Variants in SDF2 observed in about 807,000 individuals in gnomAD.
SDF2 encodes the protein stromal cell-derived factor 2.
In SDF2, 12 loss-of-function variants were observed where a neutral mutation model predicts 20.5. The observed-to-expected ratio is 0.58, with a 90% confidence interval of 0.37 to 0.95. SDF2 has a LOEUF of 0.95. Among genes scored for constraint, SDF2 ranks in the 40% least tolerant of loss-of-function variants. The pLI is 0.01. For missense variants in SDF2, 238 were observed against 263.1 expected (o/e 0.90, Z 0.66); for synonymous variants, 100 against 101.0 (o/e 0.99, Z 0.06).
At position 28,648,428 on chromosome 17, in the gene SDF2, G is replaced by A. The variant is rs972494213; in HGVS notation, c.*561C>T. 1.9e-5 allele frequency: 3 copies of A among 153,918 alleles called. No individual in the cohort carries two copies. The highest frequency in any genetic ancestry group is 7.2e-5 in the African/African-American group (3 of 41,442). 9.5% of individuals were successfully genotyped at this position (153,918 alleles called of 1,614,324 possible). ...GTCAAAGATCTATTAAAGATGAGAT[G>A]CCTGGAGAGAAGTCAAAGTAGAGGG... On this transcript the variant is annotated 3_prime_UTR_variant, in exon 3 of 3. Transcript: ENST00000247020.
At position 28,648,844 on chromosome 17, in the gene SDF2, A is replaced by G. The variant is rs1316848819; in HGVS notation, c.*145T>C. 2 of 810,376 alleles carry G rather than the reference A, an allele frequency of 2.5e-6. No individual in the cohort carries two copies. Among genetic ancestry groups the G allele is most frequent in the South Asian group, 1.7e-5 (1 of 58,254 alleles). 50.2% of individuals were successfully genotyped at this position (810,376 alleles called of 1,614,324 possible). On this transcript the variant is annotated 3_prime_UTR_variant, in exon 3 of 3. Transcript: ENST00000247020. ...AAATGTGCAGGGCTGAAGCTTCCAA[A>G]CACAGCCACTATTTTCTGTTGTATA... is the stretch of plus-strand genomic sequence containing the variant.
At chr17:28,649,367 G>C in intron 2 of SDF2, 91 bp from the exon 3 acceptor site, 1 of 1,270,898 alleles carries the variant, frequency 7.9e-7, no homozygotes, top group East Asian at 2.3e-5. Flanking sequence ...AGGCCACCTT[G>C]AAGTAAAAAA....
At chr17:28,652,310 ATTTTT>A (rs1314411261) in intron 2 of SDF2, among the ~76,000 whole-genome samples, 2 of 151,974 alleles carry the variant, frequency 1.3e-5, no homozygotes, top group African/African-American at 4.8e-5. Flanking sequence ...ACAATTCTTT[ATTTTT>A]TTAATTTTTT....
At chr17:28,661,630 C>A in intron 1 of SDF2, 96 bp downstream of exon 1, 1 of 1,393,786 alleles carries the variant, frequency 7.2e-7, no homozygotes. Flanking sequence ...GAACCCCTAA[C>A]TTTCCCAGAC....
intron 1 of SDF2, among the ~76,000 whole-genome samples, chr17:28,656,595 AT>A (rs1426088300): frequency 3.3e-5 from 5 of 152,100 alleles, no homozygotes; most frequent in Admixed American, 2.0e-4. Context: ...CTCAAAAAAA[AT>A]AAATAAATAA....
At position 28,655,552 on chromosome 17, in the gene SDF2, G is replaced by A. The variant is rs1020575087; in HGVS notation, c.152-69C>T. On this transcript the variant is annotated intron_variant, in intron 1 of 2. Transcript: ENST00000247020. ...ACAACATGCTCAGAGACAGAAGCTT[G>A]AGTGCGCTCAAGATTCACCTTCACC... is the stretch of plus-strand genomic sequence containing the variant. 6.5e-6 allele frequency: 9 copies of A among 1,390,426 alleles called. No homozygotes were observed. In the African/African-American group the frequency reaches 7.2e-5, roughly 11 times the overall value. The allele number at this position is 1,390,426 out of a possible 1,614,324, so 86.1% of individuals were successfully genotyped here.
chr17:28,661,123 C>T (rs903918915), intron 1 of SDF2: 8 of 420,282 alleles, frequency 1.9e-5, no homozygotes, highest in Non-Finnish European at 3.2e-5. Flanking sequence ...TCTGCAATTC[C>T]TGTCACTGCT....
chr17:28,659,898 G>A (rs1238560873), intron 1 of SDF2, among the ~76,000 whole-genome samples: 2 of 152,216 alleles, frequency 1.3e-5, no homozygotes, highest in African/African-American at 4.8e-5. Flanking sequence ...GCGGCTGGGA[G>A]GTGGAAGTTG....
chr17:28,650,440 A>T (rs1189115200), intron 2 of SDF2, among the ~76,000 whole-genome samples: 1 of 152,090 alleles, frequency 6.6e-6, no homozygotes, highest in Middle Eastern at 3.4e-3. Flanking sequence ...TAATTGCCTT[A>T]TATTTTCTAT....
chr17:28,660,321 T>C (rs1191642548), intron 1 of SDF2, among the ~76,000 whole-genome samples: 1 of 152,266 alleles, frequency 6.6e-6, no homozygotes, highest in African/African-American at 2.4e-5. Flanking sequence ...AAAGCATTTG[T>C]ATTTTTAACA....
intron 2 of SDF2, chr17:28,651,545 A>G (rs1292841131): frequency 1.3e-5 from 2 of 152,242 alleles, no homozygotes; most frequent in Non-Finnish European, 2.9e-5. Context: ...TTTCTCCTCT[A>G]TAAAATGATC....
chr17:28,652,264 A>G (rs2071921085), intron 2 of SDF2, among the ~76,000 whole-genome samples: 1 of 152,118 alleles, frequency 6.6e-6, no homozygotes, highest in African/African-American at 2.4e-5. Flanking sequence ...AAATTTATAG[A>G]TATGTAATAT....
intron 1 of SDF2, among the ~76,000 whole-genome samples, chr17:28,659,823 A>C (rs1259607341): frequency 6.6e-6 from 1 of 151,644 alleles, no homozygotes; most frequent in Non-Finnish European, 1.5e-5. Flanking sequence ...GACGCTCCTC[A>C]CTTCCTAGAC....
chr17:28,653,082 G>A (rs563770271), intron 2 of SDF2, among the ~76,000 whole-genome samples: 25 of 152,302 alleles, frequency 1.6e-4, no homozygotes, highest in African/African-American at 5.5e-4. Context: ...AATGTAGACA[G>A]AGTATAACTC....
At chr17:28,650,771 C>G (rs1190912397) in intron 2 of SDF2, among the ~76,000 whole-genome samples, 1 of 142,226 alleles carries the variant, frequency 7.0e-6, no homozygotes, top group Non-Finnish European at 1.5e-5. Flanking sequence ...CCACTGGACT[C>G]CAGCCTGGAT....
rs200427854 is a variant in SDF2, at chr17:28,652,319, A to AT, written c.348+2967dup. Among the ~76,000 whole-genome samples the AT allele has an allele frequency of 4.2e-3, 643 of 151,530 alleles. 7 individuals carry two copies. Among genetic ancestry groups the AT allele is most frequent in the Non-Finnish European group, 5.6e-3 (381 of 67,758 alleles). On this transcript the variant is annotated intron_variant, in intron 2 of 2. Transcript: ENST00000247020. ...CAGGTAACAATTCTTTATTTTTTTA[A>AT]TTTTTTTTTGAGACAGAGTCTCGCC...
At chr17:28,653,668 C>T (rs1399491903) in intron 2 of SDF2, among the ~76,000 whole-genome samples, 2 of 152,102 alleles carry the variant, frequency 1.3e-5, no homozygotes, top group South Asian at 2.1e-4. Flanking sequence ...AAAAATCAGC[C>T]GGGCGTGGTG....
intron 1 of SDF2, among the ~76,000 whole-genome samples, chr17:28,660,156 G>C (rs765861628): frequency 1.7e-4 from 26 of 152,168 alleles, no homozygotes; most frequent in Non-Finnish European, 3.7e-4. Context: ...GGAGAATCAC[G>C]GGAGCCCCAG....
chr17:28,659,863 T>C (rs2072007124), intron 1 of SDF2, among the ~76,000 whole-genome samples: 1 of 152,206 alleles, frequency 6.6e-6, no homozygotes, highest in African/African-American at 2.4e-5. Flanking sequence ...GGCTGTACTC[T>C]TAGCACTTTG....
Sources: gnomAD v4.1 joint callset for allele counts (sites outside exome capture counted in the v4.1 genomes callset) on GRCh38, gnomAD v4.1.1 for gene constraint, MANE v1.5 for transcripts, NCBI Gene and HGNC (gene_info 2026-07-23, HGNC 2026-07-21) for gene names.